The following RBIS variants were observed in gnomAD, a reference collection of about 807,000 sequenced individuals.
RBIS encodes the protein ribosome biogenesis factor identified in screen.
A neutral mutation model predicts 9.8 loss-of-function variants in RBIS; 9 were observed. That is an observed-to-expected ratio of 0.92 (90% CI 0.56 to 1.61). The LOEUF is 1.61. Ranked by LOEUF, RBIS falls within the 40% of genes most tolerant of loss-of-function variation. The pLI, the probability that RBIS is intolerant of heterozygous loss-of-function variation, is 0.00. For synonymous variants in RBIS, 35 were observed against 37.9 expected, an observed-to-expected ratio of 0.92 and a Z score of 0.28; for missense variants, 103 against 116.0, an observed-to-expected ratio of 0.89 and a Z score of 0.51.
intron 2 of RBIS, among the ~76,000 whole-genome samples, chr8:85,216,629 C>T (rs548718277): frequency 2.6e-5 from 4 of 152,166 alleles, no homozygotes; most frequent in East Asian, 3.9e-4. Context: ...CTATGAAGAC[C>T]GTCCTATATA....
chr8:85,218,053 G>C (rs1189154191), intron 1 of RBIS, among the ~76,000 whole-genome samples: 1 of 152,118 alleles, frequency 6.6e-6, no homozygotes, highest in African/African-American at 2.4e-5. Context: ...TGAAGTGTTG[G>C]ATACTGTCTT....
At position 85,214,528 on chromosome 8, in the gene RBIS, CTT is replaced by C. The variant is rs763785999; in HGVS notation, c.*30_*31del. On this transcript the variant is annotated 3_prime_UTR_variant, in exon 4 of 4. Coordinates refer to ENST00000619594, the MANE Select transcript of RBIS (RefSeq NM_001099673.3). ...TGTATAAAACATTCAATTTATTGGT[CTT>C]TGTGGAGAATTAGATGCATCACCAG... The C allele has an allele frequency of 5.1e-6, 7 of 1,377,416 alleles. 1 individual carries two copies. The African/African-American group carries it at 5.8e-5, about 11-fold the overall frequency. 85.3% of individuals were successfully genotyped at this position (1,377,416 alleles called of 1,614,324 possible).
At chr8:85,219,968 A>T (rs1284140930) in intron 1 of RBIS, among the ~76,000 whole-genome samples, 6 of 152,154 alleles carry the variant, frequency 3.9e-5, no homozygotes, top group Admixed American at 3.3e-4. Context: ...CCATGAACAG[A>T]CAGTCTACAA....
At chr8:85,218,285 T>TA (rs1341378411) in intron 1 of RBIS, among the ~76,000 whole-genome samples, 4 of 152,184 alleles carry the variant, frequency 2.6e-5, no homozygotes, top group Non-Finnish European at 1.5e-5. Flanking sequence ...AGATTAAAAT[T>TA]AAAAAACTGA....
intron 1 of RBIS, 60 bp from the exon 2 acceptor site, chr8:85,217,562 A>C: frequency 9.4e-7 from 1 of 1,060,366 alleles, no homozygotes; most frequent in South Asian, 1.3e-5. Context: ...AGTCAATTTT[A>C]AGTTTTTAAA....
intron 1 of RBIS, chr8:85,218,959 C>A (rs74748412): frequency 1.3e-3 from 193 of 152,368 alleles, no homozygotes; most frequent in African/African-American, 4.1e-3. Context: ...TAGTGTCCGA[C>A]CTTTAACAGA....
intron 1 of RBIS, among the ~76,000 whole-genome samples, chr8:85,217,993 A>G (rs1312153173): frequency 2.6e-5 from 4 of 151,908 alleles, no homozygotes; most frequent in Non-Finnish European, 5.9e-5. Context: ...TCTCTCCCTT[A>G]ATTTACTTTT....
chr8:85,216,390 G>A (rs542343240), intron 2 of RBIS: 1 of 152,240 alleles, frequency 6.6e-6, no homozygotes, highest in African/African-American at 2.4e-5. Flanking sequence ...TGCACCTTAT[G>A]CAGCCTACCC....
At chr8:85,219,932 G>T (rs58060795) in intron 1 of RBIS, among the ~76,000 whole-genome samples, 2,723 of 152,122 alleles carry the variant, frequency 0.018, 43 homozygotes, top group East Asian at 0.063. Flanking sequence ...TATTGTACAT[G>T]ACACTACCTA....
intron 1 of RBIS, chr8:85,218,962 T>G (rs1480175062): frequency 6.6e-6 from 1 of 152,252 alleles, no homozygotes; most frequent in African/African-American, 2.4e-5. Context: ...TGTCCGACCT[T>G]TAACAGAAAG....
intron 3 of RBIS, 44 bp from the exon 4 acceptor site, chr8:85,214,675 G>T: frequency 8.6e-7 from 1 of 1,168,824 alleles, no homozygotes; most frequent in Non-Finnish European, 1.3e-6. Flanking sequence ...GACAACAATA[G>T]CAGACAAATG....
Position 85,214,467 on chromosome 8 carries a change from A to AT in RBIS, c.*92dup. 1.2e-6 allele frequency: 1 copy of AT among 858,198 alleles called. No individual in the cohort carries two copies. Among genetic ancestry groups the AT allele is most frequent in the African/African-American group, 1.7e-5 (1 of 58,370 alleles). 53.2% of individuals were successfully genotyped at this position (858,198 alleles called of 1,614,324 possible). A position where few individuals can be genotyped will look rare whatever the true frequency, so the allele number is the denominator to read the frequency against. ...TGTAGTTTGTTTTTAAAATGTGCCAATGCCTGTACATTAACAAGATTTTTA... is the reference window on the plus strand; with the variant it reads ...TGTAGTTTGTTTTTAAAATGTGCCAATTGCCTGTACATTAACAAGATTTTTA... On this transcript the variant is annotated 3_prime_UTR_variant, in exon 4 of 4. Coordinates refer to ENST00000619594, the MANE Select transcript of RBIS (RefSeq NM_001099673.3).
chr8:85,217,631 A>C, intron 1 of RBIS, 129 bp from the exon 2 acceptor site: 2 of 643,506 alleles, frequency 3.1e-6, no homozygotes, highest in Non-Finnish European at 2.7e-6. Context: ...AAGTTGGTGC[A>C]TATATTATTT....
chr8:85,218,995 C>T (rs1290421701), intron 1 of RBIS: 1 of 152,188 alleles, frequency 6.6e-6, no homozygotes, highest in Admixed American at 6.5e-5. Flanking sequence ...TGGCTTAAGC[C>T]ATCTGCACAG....
rs1261102813 is a variant in RBIS, at chr8:85,214,188, T to C, written c.*372A>G. 1.9e-6 allele frequency: 1 copy of C among 536,438 alleles called. No individual in the cohort carries two copies. The highest frequency in any genetic ancestry group is 1.9e-5 in the African/African-American group (1 of 53,396). 33.2% of individuals were successfully genotyped at this position (536,438 alleles called of 1,614,324 possible). A position where few individuals can be genotyped will look rare whatever the true frequency, so the allele number is the denominator to read the frequency against. ...GAAAGTTAAAGGACACTACAGGTCA[T>C]CAAAAACAAGTTGGCCAAGGACTCA... On this transcript the variant is annotated 3_prime_UTR_variant, in exon 4 of 4. Transcript: ENST00000619594.
In RBIS at chr8:85,217,511, G is replaced by C. The variant is rs368012744; in HGVS notation, c.-3-9C>G. 6 of 1,544,730 alleles carry C rather than the reference G, an allele frequency of 3.9e-6. No homozygotes were observed. The highest frequency in any genetic ancestry group is 2.7e-5 in the African/African-American group (2 of 73,360). ...TTGTTCTTGGCCATTGTCTAGAAAAGAAAATAAATTCAATTAAATTGCCCA... is the reference window on the plus strand; with the variant it reads ...TTGTTCTTGGCCATTGTCTAGAAAACAAAATAAATTCAATTAAATTGCCCA... On this transcript the variant is annotated splice_polypyrimidine_tract_variant and intron_variant, in intron 1 of 3. Coordinates refer to ENST00000619594, the MANE Select transcript of RBIS (RefSeq NM_001099673.3).
At chr8:85,215,251 T>C (rs960833640) in intron 2 of RBIS, 14 of 294,042 alleles carry the variant, frequency 4.8e-5, no homozygotes, top group Admixed American at 9.8e-5. Flanking sequence ...CTCACACTTA[T>C]GGTTCAGAAG....
chr8:85,217,561 T>G, intron 1 of RBIS, 59 bp from the exon 2 acceptor site: 1 of 1,123,034 alleles, frequency 8.9e-7, no homozygotes. Context: ...AAGTCAATTT[T>G]AAGTTTTTAA....
intron 1 of RBIS, among the ~76,000 whole-genome samples, chr8:85,219,678 T>C (rs1813288459): frequency 6.6e-6 from 1 of 151,964 alleles, no homozygotes; most frequent in Admixed American, 6.6e-5. Flanking sequence ...GAGGTTGCAG[T>C]GAGCCGAGAT....
Sources: gnomAD v4.1 joint callset for allele counts (sites outside exome capture counted in the v4.1 genomes callset) on GRCh38, gnomAD v4.1.1 for gene constraint, MANE v1.5 for transcripts, NCBI Gene and HGNC (gene_info 2026-07-23, HGNC 2026-07-21) for gene names.